Variants in ARIH1 observed in about 807,000 individuals in gnomAD.
The protein encoded by ARIH1 is ariadne RBR E3 ubiquitin protein ligase 1, also known as E3 ubiquitin-protein ligase ARIH1.
A neutral mutation model predicts 85.0 loss-of-function variants in ARIH1; 8 were observed. The observed-to-expected ratio is 0.09, with a 90% CI of 0.06 to 0.17. The LOEUF (loss-of-function observed/expected upper bound fraction) is 0.17. Among genes scored for constraint, ARIH1 ranks in the 10% least tolerant of loss-of-function variants. The pLI is 1.00. For missense variants in ARIH1, 311 were observed against 718.1 expected (o/e 0.43, Z 6.48); for synonymous variants, 238 against 253.6 (o/e 0.94, Z 0.59).
At position 72,602,851 on chromosome 15, in the gene ARIH1, A is replaced by T. The variant is rs1433537432; in HGVS notation, c.*19559A>T. On this transcript the variant is annotated 3_prime_UTR_variant, in exon 14 of 14. Coordinates refer to ENST00000379887, the MANE Select transcript of ARIH1 (RefSeq NM_005744.5). Reference sequence around the variant, plus strand: ...TTTCAAGGAGTTTCTCCAACCCAAAATGGCACCCTTCCTGAAAAGATTTCT... The same window carrying T: ...TTTCAAGGAGTTTCTCCAACCCAAATTGGCACCCTTCCTGAAAAGATTTCT... 6.6e-6 allele frequency: 1 copy of T among 152,086 alleles called. No individual in the cohort carries two copies. The highest frequency in any genetic ancestry group is 2.4e-5 in the African/African-American group (1 of 41,396). The allele number at this position is 152,086 out of a possible 1,614,324, so 9.4% of individuals were successfully genotyped here.
intron 11 of ARIH1, among the ~76,000 whole-genome samples, chr15:72,573,342 C>A (rs1227960754): frequency 6.6e-6 from 1 of 152,108 alleles, no homozygotes; most frequent in African/African-American, 2.4e-5. Context: ...AGGCGGATCA[C>A]CTGAGGTCGG....
intron 5 of ARIH1, among the ~76,000 whole-genome samples, chr15:72,559,901 A>G (rs1161654590): frequency 2.0e-5 from 3 of 152,194 alleles, no homozygotes. Flanking sequence ...CATTATATGG[A>G]CATTTCCATT....
intron 2 of ARIH1, among the ~76,000 whole-genome samples, chr15:72,519,727 G>C (rs2063991293): frequency 6.6e-6 from 1 of 151,816 alleles, no homozygotes; most frequent in South Asian, 2.1e-4. Context: ...CAGGTGATCT[G>C]CCCGCCTCAG....
intron 1 of ARIH1, among the ~76,000 whole-genome samples, chr15:72,489,247 CAAAA>C (rs3028452): frequency 1.2e-5 from 1 of 84,068 alleles, no homozygotes; most frequent in African/African-American, 5.0e-5. Context: ...GACCATGTCT[CAAAA>C]AAAAAAAAAA....
intron 3 of ARIH1, among the ~76,000 whole-genome samples, chr15:72,552,641 G>T: frequency 6.6e-6 from 1 of 152,108 alleles, no homozygotes; most frequent in East Asian, 1.9e-4. Flanking sequence ...GTGCAGAAGA[G>T]AATTTGTGGT....
At chr15:72,567,016 C>T (rs1038111775) in intron 8 of ARIH1, 90 bp from the exon 9 acceptor site, 2 of 941,350 alleles carry the variant, frequency 2.1e-6, no homozygotes, top group South Asian at 3.2e-5. Flanking sequence ...TTGGCTTTTA[C>T]ATTTAAGCTT....
intron 1 of ARIH1, among the ~76,000 whole-genome samples, chr15:72,500,820 A>C (rs2063899776): frequency 6.6e-6 from 1 of 152,248 alleles, no homozygotes; most frequent in African/African-American, 2.4e-5. Context: ...AGGATTAGAA[A>C]TCAGTAGTGA....
chr15:72,477,978 G>A (rs1235258594), intron 1 of ARIH1, among the ~76,000 whole-genome samples: 1 of 152,100 alleles, frequency 6.6e-6, no homozygotes, highest in East Asian at 1.9e-4. Context: ...ACCAGGCCCA[G>A]CTAATTCTTG....
chr15:72,547,722 A>T (rs574187255), intron 3 of ARIH1, among the ~76,000 whole-genome samples: 3 of 152,192 alleles, frequency 2.0e-5, no homozygotes, highest in Non-Finnish European at 2.9e-5. Flanking sequence ...GCCAGTTGAC[A>T]TTTATATAGT....
At chr15:72,534,824 A>G (rs1053866610) in intron 2 of ARIH1, among the ~76,000 whole-genome samples, 20 of 151,974 alleles carry the variant, frequency 1.3e-4, no homozygotes, top group African/African-American at 4.6e-4. Flanking sequence ...TCAGGCCTCA[A>G]TCTTAAGAGC....
chr15:72,555,997 C>A, intron 5 of ARIH1, 90 bp downstream of exon 5: 1 of 1,162,700 alleles, frequency 8.6e-7, no homozygotes, highest in Non-Finnish European at 1.2e-6. Context: ...GGAAGTGAAA[C>A]TTTTTAAAGT....
intron 1 of ARIH1, among the ~76,000 whole-genome samples, chr15:72,489,605 G>A (rs2063851094): frequency 6.6e-6 from 1 of 152,208 alleles, no homozygotes; most frequent in African/African-American, 2.4e-5. Flanking sequence ...CAAAATGGGA[G>A]GTATGCCTAA....
At position 72,561,403 on chromosome 15, in the gene ARIH1, G is replaced by C; in HGVS notation, c.738-80G>C. The C allele has an allele frequency of 3.8e-6, 4 of 1,047,086 alleles. No homozygotes were observed. In the South Asian group the frequency reaches 5.5e-5, roughly 14 times the overall value. The allele number at this position is 1,047,086 out of a possible 1,614,324, so 64.9% of individuals were successfully genotyped here. On this transcript the variant is annotated intron_variant, in intron 5 of 13. Transcript: ENST00000379887. ...TAAACATGTAGCCGTAGCATAAACA[G>C]CTTTTGAAACTATGTTTTATAAATG...
intron 1 of ARIH1, among the ~76,000 whole-genome samples, chr15:72,507,024 T>TATG (rs1567342207): frequency 5.0e-4 from 74 of 147,018 alleles, no homozygotes; most frequent in African/African-American, 1.8e-3. Context: ...ATGTATGTAT[T>TATG]TATTTATTTA....
At chr15:72,560,038 TG>T (rs562086162) in intron 5 of ARIH1, among the ~76,000 whole-genome samples, 7 of 152,216 alleles carry the variant, frequency 4.6e-5, no homozygotes, top group Non-Finnish European at 8.8e-5. Context: ...GGTAATGCTA[TG>T]TTTAACTTTT....
At position 72,583,332 on chromosome 15, in the gene ARIH1, T is replaced by G. The variant is rs1567362402; in HGVS notation, c.*40T>G. 2 of 1,516,688 alleles carry G rather than the reference T, an allele frequency of 1.3e-6. No individual in the cohort carries two copies. The highest frequency in any genetic ancestry group is 9.1e-7 in the Non-Finnish European group (1 of 1,097,688). The allele number at this position is 1,516,688 out of a possible 1,614,324, so 94.0% of individuals were successfully genotyped here. A position where few individuals can be genotyped will look rare whatever the true frequency, so the allele number is the denominator to read the frequency against. ...AAAATGAACTCTGAAAACTTTACCA[T>G]CTAGAGTGCTCATGCAATTAAAACA... On this transcript the variant is annotated 3_prime_UTR_variant, in exon 14 of 14. Coordinates refer to ENST00000379887, the MANE Select transcript of ARIH1 (RefSeq NM_005744.5).
At chr15:72,486,358 A>G (rs747452831) in intron 1 of ARIH1, among the ~76,000 whole-genome samples, 8 of 152,222 alleles carry the variant, frequency 5.3e-5, no homozygotes, top group Non-Finnish European at 1.2e-4. Flanking sequence ...TATCCAGTAT[A>G]TAGCAGTATA....
intron 2 of ARIH1, among the ~76,000 whole-genome samples, chr15:72,519,322 A>G (rs1371228082): frequency 6.6e-6 from 1 of 151,912 alleles, no homozygotes; most frequent in Non-Finnish European, 1.5e-5. Flanking sequence ...TACATTGTAA[A>G]TAATATCTAT....
At chr15:72,576,993 C>CT (rs922416385) in intron 11 of ARIH1, among the ~76,000 whole-genome samples, 1 of 131,480 alleles carries the variant, frequency 7.6e-6, no homozygotes, top group African/African-American at 2.8e-5. Context: ...TTTTTTTTTT[C>CT]TTTTTTTGAG....
Sources: allele counts gnomAD v4.1 joint callset (sites outside exome capture counted in the v4.1 genomes callset), GRCh38; gene constraint gnomAD v4.1.1; transcripts MANE v1.5; gene names NCBI Gene and HGNC (gene_info 2026-07-23, HGNC 2026-07-21).